The following NPC1 variants were observed in gnomAD, a reference collection of about 807,000 sequenced individuals.
The protein encoded by NPC1 is Niemann-Pick C1 protein.
NPC1 carries 85 observed loss-of-function variants against 140.4 expected under a neutral mutation model. The ratio of observed to expected loss-of-function variants is 0.61; its 90% CI spans 0.51 to 0.72. NPC1 has a LOEUF of 0.72. Ranked by LOEUF, NPC1 falls within the 30% of genes least tolerant of loss-of-function variation. The pLI is 0.00. For synonymous variants in NPC1, 656 were observed against 624.8 expected (o/e 1.05, Z -0.74); for missense variants, 1,504 against 1,623.8 (o/e 0.93, Z 1.27).
At chr18:23,532,366 C>T in intron 24 of NPC1, 82 bp from the exon 25 acceptor site, 2 of 1,490,932 alleles carry the variant, frequency 1.3e-6, no homozygotes, top group South Asian at 1.1e-5. Flanking sequence ...CGCCTGTAAT[C>T]CCACTTTGGA....
chr18:23,536,618 C>T lies in NPC1; in HGVS notation c.3245+55G>A, dbSNP rs1431336060. ...TTGCCAAGGGAACCCTCCCCACTCCCACCCAGTGTAGGCCCTTTGCTGGGT... is the reference window on the plus strand; with the variant it reads ...TTGCCAAGGGAACCCTCCCCACTCCTACCCAGTGTAGGCCCTTTGCTGGGT... On this transcript the variant is annotated intron_variant, in intron 21 of 24. Transcript: ENST00000269228. The T allele has an allele frequency of 4.6e-6, 7 of 1,506,200 alleles. No individual in the cohort carries two copies. In the East Asian group the frequency reaches 1.2e-4, roughly 25 times the overall value. The allele number at this position is 1,506,200 out of a possible 1,614,324, so 93.3% of individuals were successfully genotyped here.
intron 10 of NPC1, among the ~76,000 whole-genome samples, chr18:23,549,486 G>T (rs2058835980): frequency 6.6e-6 from 1 of 151,786 alleles, no homozygotes; most frequent in South Asian, 2.1e-4. Flanking sequence ...AAAAATACAA[G>T]AAATTAGCTG....
At chr18:23,527,921 A>G, downstream of NPC1, 5 of 1,577,160 alleles carry the variant, frequency 3.2e-6, no homozygotes, top group Non-Finnish European at 4.3e-6. Flanking sequence ...ATGGAGTATG[A>G]CAAAGGGTCC....
At chr18:23,536,943 T>C (rs2054136932) in intron 20 of NPC1, 67 bp from the exon 21 acceptor site, 1 of 1,371,752 alleles carries the variant, frequency 7.3e-7, no homozygotes, top group Non-Finnish European at 1.0e-6. Flanking sequence ...ATCTGAGCAC[T>C]TGAGGCTAAG....
chr18:23,541,488 G>A (rs561051361), intron 14 of NPC1, 55 bp from the exon 15 acceptor site: 20 of 1,612,062 alleles, frequency 1.2e-5, no homozygotes, highest in Middle Eastern at 1.7e-4. Context: ...GGGGCTCTCT[G>A]CAGGTCTTAT....
intron 3 of NPC1, among the ~76,000 whole-genome samples, chr18:23,515,559 C>T (rs781584196): frequency 1.3e-5 from 2 of 152,184 alleles, no homozygotes; most frequent in African/African-American, 2.4e-5. Flanking sequence ...GACTGAATCT[C>T]GCTCTGTCAC....
downstream of NPC1, among the ~76,000 whole-genome samples, chr18:23,521,689 C>G (rs1332302898): frequency 1.4e-5 from 1 of 71,478 alleles, no homozygotes. Context: ...AACACACACT[C>G]TCTCTCTTTT....
At chr18:23,547,771 A>C (rs2058809570) in intron 11 of NPC1, among the ~76,000 whole-genome samples, 1 of 152,200 alleles carries the variant, frequency 6.6e-6, no homozygotes, top group Admixed American at 6.5e-5. Context: ...AAACAATGCA[A>C]GGAACCTTTT....
intron 3 of NPC1, among the ~76,000 whole-genome samples, chr18:23,511,111 TGTG>T (rs1280915688): frequency 6.6e-6 from 1 of 152,106 alleles, no homozygotes. Flanking sequence ...ATAAAGAAAA[TGTG>T]GTACATATAT....
chr18:23,543,063 C>T (rs1369016058), intron 14 of NPC1, among the ~76,000 whole-genome samples: 1 of 152,154 alleles, frequency 6.6e-6, no homozygotes, highest in Non-Finnish European at 1.5e-5. Context: ...CACGGGGGCT[C>T]ACGCCTGTAA....
At position 23,547,998 on chromosome 18, in the gene NPC1, T is replaced by TG. The variant is rs1393257139; in HGVS notation, c.1757+7dup. The TG allele has an allele frequency of 2.0e-6, 3 of 1,485,168 alleles. No individual in the cohort carries two copies. The Admixed American group carries it at 5.0e-5, about 25-fold the overall frequency. The allele number at this position is 1,485,168 out of a possible 1,614,324, so 92.0% of individuals were successfully genotyped here. A position where few individuals can be genotyped will look rare whatever the true frequency, so the allele number is the denominator to read the frequency against. ...AGGACAGTCTGCTCACACCCATGAGTGACTCACTCTTTTTCCCAGGCCTGG... is the reference window on the plus strand; with the variant it reads ...AGGACAGTCTGCTCACACCCATGAGTGGACTCACTCTTTTTCCCAGGCCTGG... On this transcript the variant is annotated splice_region_variant and intron_variant, in intron 11 of 24. Coordinates refer to ENST00000269228, the MANE Select transcript of NPC1 (RefSeq NM_000271.5).
chr18:23,554,682 A>G, intron 9 of NPC1, 76 bp downstream of exon 9: 1 of 1,114,200 alleles, frequency 9.0e-7, no homozygotes, highest in Non-Finnish European at 1.4e-6. Flanking sequence ...TTATGCTCAT[A>G]AAACAAGCTT....
chr18:23,562,150 G>A (rs777182465), intron 4 of NPC1, among the ~76,000 whole-genome samples: 18 of 152,032 alleles, frequency 1.2e-4, no homozygotes, highest in Non-Finnish European at 1.9e-4. Flanking sequence ...TTAGCCGGGC[G>A]TGGTGGCGGA....
intron 3 of NPC1, chr18:23,508,129 G>A (rs914627840): frequency 1.6e-6 from 2 of 1,230,444 alleles, no homozygotes; most frequent in Non-Finnish European, 2.2e-6. Flanking sequence ...GGGTCGCAGG[G>A]AGCACAGACT....
chr18:23,509,658 G>C (rs1248559735), intron 3 of NPC1: 1 of 152,884 alleles, frequency 6.5e-6, no homozygotes, highest in Non-Finnish European at 1.5e-5. Context: ...CGCCTCCCAG[G>C]TTCAAGCGAT....
intron 19 of NPC1, chr18:23,538,957 G>A: frequency 6.3e-6 from 3 of 473,480 alleles, no homozygotes; most frequent in South Asian, 4.3e-5. Context: ...AGAGCCCGGG[G>A]CTTCTATGTT....
intron 22 of NPC1, 24 bp from the exon 23 acceptor site, chr18:23,534,583 G>A: frequency 6.3e-7 from 1 of 1,581,968 alleles, no homozygotes. Context: ...CTTCCTTTAG[G>A]ATGGCTCTCT....
At chr18:23,520,322 G>A (rs1012739717), downstream of NPC1, 10 of 1,603,714 alleles carry the variant, frequency 6.2e-6, no homozygotes, top group Non-Finnish European at 8.5e-6. Flanking sequence ...AGGTAACACG[G>A]GTTCTGTAGA....
At chr18:23,516,115 G>A in intron 3 of NPC1, 1 of 1,466,840 alleles carries the variant, frequency 6.8e-7, no homozygotes, top group Admixed American at 1.8e-5. Context: ...TCACCGCTCT[G>A]ACCACTAGAG....
Sources: allele counts gnomAD v4.1 joint callset (sites outside exome capture counted in the v4.1 genomes callset), GRCh38; gene constraint gnomAD v4.1.1; transcripts MANE v1.5; gene names NCBI Gene and HGNC (gene_info 2026-07-23, HGNC 2026-07-21).